OR52I2: variants seen among roughly 807,000 people sequenced by gnomAD.
OR52I2 encodes the protein olfactory receptor 52I2.
For missense variants in OR52I2, 350 were observed against 402.4 expected (o/e 0.87, Z 1.11); for synonymous variants, 147 against 151.9 (o/e 0.97, Z 0.24).
chr11:4,582,223 A>G (rs1341350780), intron 1 of OR52I2, among the ~76,000 whole-genome samples: 4 of 152,006 alleles, frequency 2.6e-5, no homozygotes, highest in Admixed American at 2.6e-4. Flanking sequence ...CAGTGGAGGT[A>G]CTCAGGAAAA....
At chr11:4,584,950 A>G (rs1387930030) in intron 1 of OR52I2, among the ~76,000 whole-genome samples, 1 of 152,204 alleles carries the variant, frequency 6.6e-6, no homozygotes, top group Non-Finnish European at 1.5e-5. Flanking sequence ...GTTTCATTTT[A>G]TATTAGCTAC....
chr11:4,585,626 G>C (rs1488697464), intron 1 of OR52I2, among the ~76,000 whole-genome samples: 1 of 152,168 alleles, frequency 6.6e-6, no homozygotes, highest in Non-Finnish European at 1.5e-5. Flanking sequence ...TCAGCTGCTG[G>C]CTGTGCACAG....
rs199862163 is a variant in OR52I2 at position 4,587,015 on chromosome 11, C to A, written c.125C>A (p.Ala42Asp). The change falls in exon 2 of 2, where the codon GCC becomes GAC. Residue 42 changes from alanine (A) to aspartate (D), a missense_variant. Ala to Asp is a moderately radical substitution (Grantham distance 126). Coordinates refer to ENST00000641896, the Ensembl canonical transcript of OR52I2. ...TCACTGAGTGCCATGTACATCATAGCCCTGTTAGGAAACACCATCATCGTG... is the reference window on the plus strand; with the variant it reads ...TCACTGAGTGCCATGTACATCATAGACCTGTTAGGAAACACCATCATCGTG... The A allele has an allele frequency of 2.5e-6, 4 of 1,614,026 alleles. No homozygotes were observed. In the Admixed American group the frequency reaches 6.7e-5, roughly 27 times the overall value.
intron 1 of OR52I2, among the ~76,000 whole-genome samples, chr11:4,582,614 T>C (rs930590051): frequency 1.3e-5 from 2 of 151,868 alleles, no homozygotes; most frequent in African/African-American, 4.8e-5. Context: ...TAATTTTTTG[T>C]ATTTTTAGTA....
intron 1 of OR52I2, among the ~76,000 whole-genome samples, chr11:4,583,870 G>A (rs975916980): frequency 6.6e-6 from 1 of 152,198 alleles, no homozygotes; most frequent in Non-Finnish European, 1.5e-5. Context: ...GTCAATCAGT[G>A]CTAGGCTTTC....
At chr11:4,583,447 G>T (rs1165859366) in intron 1 of OR52I2, among the ~76,000 whole-genome samples, 2 of 152,164 alleles carry the variant, frequency 1.3e-5, no homozygotes, top group African/African-American at 4.8e-5. Context: ...GGAAGAGGCT[G>T]TTTGGATCCT....
At chr11:4,589,449 C>A (rs1846334621) in exon 2 of OR52I2, 1 of 152,242 alleles carries the variant, frequency 6.6e-6, no homozygotes, top group Admixed American at 6.5e-5. Context: ...CTGTGGGTAA[C>A]TGACTTGGGC....
rs77058516 is a variant in OR52I2 at position 4,585,210 on chromosome 11, T to C, written c.-19-1662T>C. On this transcript the variant is annotated intron_variant, in intron 1 of 1. Coordinates refer to ENST00000641896, the Ensembl canonical transcript of OR52I2. ...GACTCTTCGCTATCCTGCCTCTTGA[T>C]GATGTAGGAACAGTACCACATTTTG... 3.8e-3 allele frequency among the ~76,000 whole-genome samples: 577 copies of C among 152,240 alleles called. 3 individuals carry two copies. The highest frequency in any genetic ancestry group is 0.013 in the African/African-American group (546 of 41,546).
At chr11:4,590,643 G>A (rs1467727702) in exon 2 of OR52I2, 3 of 152,210 alleles carry the variant, frequency 2.0e-5, no homozygotes, top group Non-Finnish European at 4.4e-5. Context: ...CTGGATCAGA[G>A]GTGAGTGGGG....
chr11:4,581,838 A>C (rs1846260165), exon 1 of OR52I2: 1 of 152,248 alleles, frequency 6.6e-6, no homozygotes, highest in Non-Finnish European at 1.5e-5. Context: ...CCATCAGGGA[A>C]AGTTGAATAG....
In OR52I2 at chr11:4,589,395, G is replaced by A. The variant is rs529806549; in HGVS notation, c.*1530G>A. The A allele has an allele frequency of 2.6e-5, 4 of 152,308 alleles. No homozygotes were observed. The South Asian group carries it at 6.2e-4, about 24-fold the overall frequency. 9.4% of individuals were successfully genotyped at this position (152,308 alleles called of 1,614,324 possible). On this transcript the variant is annotated 3_prime_UTR_variant, in exon 2 of 2. Transcript: ENST00000641896. Reference sequence around the variant, plus strand: ...TGCGTGAAAGAAATGTGGACTATGAGGCATGGACTCATTGGAGAAAGTTAA... The same window carrying A: ...TGCGTGAAAGAAATGTGGACTATGAAGCATGGACTCATTGGAGAAAGTTAA...
intron 1 of OR52I2, among the ~76,000 whole-genome samples, chr11:4,585,155 A>G (rs1434205409): frequency 1.3e-5 from 2 of 152,178 alleles, no homozygotes; most frequent in African/African-American, 4.8e-5. Context: ...TTTTAAGTCT[A>G]TGGGTATGAA....
intron 1 of OR52I2, among the ~76,000 whole-genome samples, chr11:4,583,330 T>C (rs1384756741): frequency 6.6e-6 from 1 of 151,630 alleles, no homozygotes; most frequent in Non-Finnish European, 1.5e-5. Flanking sequence ...TTTCCAGGGC[T>C]GGTGAGAGGA....
At chr11:4,585,012 C>T (rs1005235514) in intron 1 of OR52I2, among the ~76,000 whole-genome samples, 1 of 152,156 alleles carries the variant, frequency 6.6e-6, no homozygotes, top group Non-Finnish European at 1.5e-5. Flanking sequence ...TTTTACAAAG[C>T]TTATCACTTA....
chr11:4,584,279 T>C (rs1406315824), intron 1 of OR52I2, among the ~76,000 whole-genome samples: 1 of 152,114 alleles, frequency 6.6e-6, no homozygotes, highest in Admixed American at 6.5e-5. Flanking sequence ...AATCACACAA[T>C]TGATGTGGTG....
intron 1 of OR52I2, 90 bp from the exon 2 acceptor site, chr11:4,586,782 T>G: frequency 6.3e-7 from 1 of 1,584,772 alleles, no homozygotes; most frequent in Non-Finnish European, 8.6e-7. Context: ...ACCACCAAGC[T>G]GAGAATATCC....
chr11:4,589,192 G>A (rs1846332214), exon 2 of OR52I2: 1 of 152,276 alleles, frequency 6.6e-6, no homozygotes, highest in South Asian at 2.1e-4. Context: ...CTGGGTAGAG[G>A]CCAAAGGAAG....
rs765073326 is a variant in OR52I2 at position 4,587,237 on chromosome 11, C to T, written c.347C>T (p.Thr116Met). 8.1e-6 allele frequency: 13 copies of T among 1,613,980 alleles called. No homozygotes were observed. Among genetic ancestry groups the T allele is most frequent in the East Asian group, 4.5e-5 (2 of 44,892 alleles). Reference sequence around the variant, plus strand: ...GTCCACTTAGCCACAGCTGTGGAGACGGGGCTGCTGCTGACCATGGCTTTT... The same window carrying T: ...GTCCACTTAGCCACAGCTGTGGAGATGGGGCTGCTGCTGACCATGGCTTTT... Residue 116 changes from threonine to methionine, a missense_variant, in exon 2 of 2, where the codon ACG becomes ATG. Physicochemically the swap from Thr to Met is moderately conservative, Grantham distance 81 (BLOSUM62 -1). Transcript: ENST00000641896.
At chr11:4,588,053 T>C (rs1486359231) in exon 2 of OR52I2, 8 of 597,400 alleles carry the variant, frequency 1.3e-5, no homozygotes, top group East Asian at 8.3e-5. Context: ...GTGGATTCAA[T>C]CAACTTGTAT....
Sources: gnomAD v4.1 joint callset for allele counts (sites outside exome capture counted in the v4.1 genomes callset) on GRCh38, gnomAD v4.1.1 for gene constraint, MANE v1.5 for transcripts, NCBI Gene and HGNC (gene_info 2026-07-23, HGNC 2026-07-21) for gene names.